PREP: variants seen among roughly 807,000 people sequenced by gnomAD.
PREP encodes the protein prolyl endopeptidase.
Under a neutral mutation model 87.6 loss-of-function variants are expected in PREP, and 29 were observed. That is an observed-to-expected ratio of 0.33 (90% CI 0.25 to 0.45). PREP has a LOEUF of 0.45. Ranked by LOEUF, PREP falls within the 20% of genes least tolerant of loss-of-function variation. The probability of loss-of-function intolerance (pLI) is 1.00; values close to 1 mark genes in which losing one functional copy is unlikely to be tolerated. For missense variants in PREP, 695 were observed against 886.5 expected, an observed-to-expected ratio of 0.78 and a Z score of 2.74; for synonymous variants, 337 against 328.6, an observed-to-expected ratio of 1.03 and a Z score of -0.28.
At chr6:105,291,572 C>A (rs1263653553) in intron 10 of PREP, among the ~76,000 whole-genome samples, 1 of 152,164 alleles carries the variant, frequency 6.6e-6, no homozygotes, top group African/African-American at 2.4e-5. Context: ...CAGCTTACAT[C>A]TTTCTCCCAT....
chr6:105,278,233 C>T lies in PREP; in HGVS notation c.2044G>A (p.Ala682Thr), dbSNP rs745689145. The change falls in exon 15 of 15, where the codon GCG becomes ACG. Residue 682 changes from alanine to threonine, a missense_variant. By Grantham distance (58) the Ala-to-Thr change is moderately conservative. Around this residue, in one of 5 missense-constraint regions of PREP, gnomAD observed 121 missense variants for 154.8 expected, o/e 0.78. Transcript: ENST00000652536. This position sits in a 1 kb window ranked among gnomAD's most constrained non-coding sequence, Gnocchi z 4.2. ...IHVDTKAGHGAGKPTAKVIEE... is the reference protein window; with the variant it reads ...IHVDTKAGHGTGKPTAKVIEE... ...ATCACTTTGGCTGTGGGCTTCCCCG[C>T]CCCGTGGCCCGCCTTGGTGTCCACG... 1 of 1,614,094 alleles carries T rather than the reference C, an allele frequency of 6.2e-7. No individual in the cohort carries two copies. Among genetic ancestry groups the T allele is most frequent in the Non-Finnish European group, 8.5e-7 (1 of 1,180,062 alleles).
chr6:105,349,353 G>A (rs1771881206), intron 7 of PREP, among the ~76,000 whole-genome samples: 2 of 152,342 alleles, frequency 1.3e-5, no homozygotes, highest in South Asian at 4.1e-4. Flanking sequence ...TTGACAAAAT[G>A]AATCCAGTTT....
At chr6:105,377,053 T>C (rs1772704070) in intron 3 of PREP, among the ~76,000 whole-genome samples, 2 of 152,220 alleles carry the variant, frequency 1.3e-5, no homozygotes, top group South Asian at 2.1e-4. Context: ...CCAAGTAGTA[T>C]ACATCAAAGA....
chr6:105,371,500 CAAAAAAAAAAAA>C (rs528772896), intron 5 of PREP, among the ~76,000 whole-genome samples: 2 of 44,804 alleles, frequency 4.5e-5, no homozygotes, highest in African/African-American at 6.2e-5. Flanking sequence ...GATTCCATCT[CAAAAAAAAAAAA>C]AAAAAAAAAA....
In PREP at chr6:105,285,647, A is replaced by G; in HGVS notation, c.1455-67T>C. 3 of 1,335,482 alleles carry G rather than the reference A, an allele frequency of 2.2e-6. No homozygotes were observed. The South Asian group carries it at 3.6e-5, about 16-fold the overall frequency. 82.7% of individuals were successfully genotyped at this position (1,335,482 alleles called of 1,614,324 possible). A position where few individuals can be genotyped will look rare whatever the true frequency, so the allele number is the denominator to read the frequency against. On this transcript the variant is annotated intron_variant, in intron 11 of 14. Coordinates refer to ENST00000652536, the MANE Select transcript of PREP (RefSeq NM_002726.5). ...AGTGAAGACCATGCCCTCTCTCTCC[A>G]TCTCAAAAAAGTGTATGCCCAACAA...
intron 10 of PREP, among the ~76,000 whole-genome samples, chr6:105,301,818 A>T (rs1770542833): frequency 1.3e-5 from 2 of 152,260 alleles, no homozygotes; most frequent in African/African-American, 4.8e-5. Flanking sequence ...TCATCTCTGC[A>T]GAAATTCACC....
In PREP at chr6:105,368,928, T is replaced by C; in HGVS notation, c.692A>G (p.Glu231Gly). ...EDILCAEFPD[E>G]PKWMGGAELS... ...CTCAGCTCCACCCATCCATTTAGGTTCATCAGGAAACTCAGCACACAAAAT... is the reference window on the plus strand; with the variant it reads ...CTCAGCTCCACCCATCCATTTAGGTCCATCAGGAAACTCAGCACACAAAAT... The change falls in exon 6 of 15, where the codon GAA becomes GGA. Residue 231 changes from glutamate to glycine, a missense_variant. Coordinates refer to ENST00000652536, the MANE Select transcript of PREP (RefSeq NM_002726.5). 6.2e-7 allele frequency: 1 copy of C among 1,614,064 alleles called. No homozygotes were observed. Among genetic ancestry groups the C allele is most frequent in the Non-Finnish European group, 8.5e-7 (1 of 1,179,960 alleles).
chr6:105,315,586 C>CT (rs958016863), intron 10 of PREP, among the ~76,000 whole-genome samples: 2 of 152,184 alleles, frequency 1.3e-5, no homozygotes, highest in African/African-American at 4.8e-5. Flanking sequence ...TCCTTTGGAA[C>CT]TTTGGAACTT....
chr6:105,325,377 A>G (rs1294208212), intron 9 of PREP, among the ~76,000 whole-genome samples: 1 of 152,212 alleles, frequency 6.6e-6, no homozygotes, highest in Non-Finnish European at 1.5e-5. Context: ...GACCTGAGAC[A>G]AGGCACCAAA....
At chr6:105,397,059 C>T (rs1773303413) in intron 2 of PREP, among the ~76,000 whole-genome samples, 1 of 151,886 alleles carries the variant, frequency 6.6e-6, no homozygotes, top group African/African-American at 2.4e-5. Context: ...GTGGCACATG[C>T]CTGTAATCCC....
rs115250637 is a variant in PREP, at chr6:105,344,927, T to G, written c.823+8045A>C. ...GCCACCAAATTCTGAAGCATTAACC[T>G]TAGCCATAAATACATACTACAAGTC... On this transcript the variant is annotated intron_variant, in intron 7 of 14. Coordinates refer to ENST00000652536, the MANE Select transcript of PREP (RefSeq NM_002726.5). 9.2e-3 allele frequency among the ~76,000 whole-genome samples: 1,406 copies of G among 152,346 alleles called. 23 individuals carry two copies. The highest frequency in any genetic ancestry group is 0.032 in the African/African-American group (1,349 of 41,578).
At chr6:105,309,953 T>G (rs1023936051) in intron 10 of PREP, among the ~76,000 whole-genome samples, 2 of 152,242 alleles carry the variant, frequency 1.3e-5, no homozygotes, top group Non-Finnish European at 2.9e-5. Flanking sequence ...TGGAGCCCAT[T>G]TTCTTCCCCT....
chr6:105,363,348 T>C (rs1772300918), intron 6 of PREP, among the ~76,000 whole-genome samples: 1 of 152,200 alleles, frequency 6.6e-6, no homozygotes, highest in African/African-American at 2.4e-5. Context: ...GGATTTTTTT[T>C]CTCCCCAGAT....
intron 2 of PREP, among the ~76,000 whole-genome samples, chr6:105,390,212 G>A (rs1773105594): frequency 6.6e-6 from 1 of 152,156 alleles, no homozygotes; most frequent in South Asian, 2.1e-4. Flanking sequence ...GTGTAACGGG[G>A]TCACTTCCAG....
intron 7 of PREP, among the ~76,000 whole-genome samples, chr6:105,338,966 A>G (rs989356072): frequency 2.0e-5 from 3 of 152,248 alleles, no homozygotes; most frequent in Non-Finnish European, 2.9e-5. Flanking sequence ...GGCAGGGCAT[A>G]GCCGAACAGA....
chr6:105,392,797 G>C (rs113594091), intron 2 of PREP, among the ~76,000 whole-genome samples: 4 of 152,010 alleles, frequency 2.6e-5, no homozygotes, highest in Non-Finnish European at 2.9e-5. Context: ...GGCTGGCCTC[G>C]AACTCCTGAC....
Position 105,322,709 on chromosome 6 carries a change from C to T in PREP, c.1317+956G>A, listed in dbSNP as rs557577287. The T allele has an allele frequency of 1.1e-5, 11 of 996,844 alleles. No homozygotes were observed. In the African/African-American group the frequency reaches 1.6e-4, roughly 14 times the overall value. The allele number at this position is 996,844 out of a possible 1,614,324, so 61.7% of individuals were successfully genotyped here. On this transcript the variant is annotated intron_variant, in intron 10 of 14. Coordinates refer to ENST00000652536, the MANE Select transcript of PREP (RefSeq NM_002726.5). ...TCCAATAAAACAGGAGGCCAGTTTG[C>T]CAACTGCTGATGTAGAACAGGGGCT... is the stretch of plus-strand genomic sequence containing the variant.
At chr6:105,331,067 A>G (rs762919841) in intron 8 of PREP, among the ~76,000 whole-genome samples, 10 of 152,354 alleles carry the variant, frequency 6.6e-5, no homozygotes, top group Middle Eastern at 3.4e-3. Context: ...ACAGAAGTGA[A>G]TAACAAAAGG....
At position 105,368,884 on chromosome 6, in the gene PREP, T is replaced by G; in HGVS notation, c.717+19A>C. 1.9e-6 allele frequency: 3 copies of G among 1,612,948 alleles called. No individual in the cohort carries two copies. The highest frequency in any genetic ancestry group is 2.5e-6 in the Non-Finnish European group (3 of 1,179,304). On this transcript the variant is annotated intron_variant, in intron 6 of 14. Coordinates refer to ENST00000652536, the MANE Select transcript of PREP (RefSeq NM_002726.5). ...TGAAACACAGTCTTTGGGGGTAAAA[T>G]TTCACAGCTGTACAATACCTCAGCT...
Sources: allele counts gnomAD v4.1 joint callset (sites outside exome capture counted in the v4.1 genomes callset), GRCh38; gene constraint gnomAD v4.1.1; regional missense constraint gnomAD v4.1.1; non-coding constraint Gnocchi (gnomAD v3.1); transcripts MANE v1.5; gene names NCBI Gene and HGNC (gene_info 2026-07-23, HGNC 2026-07-21).